LIMS2: variants seen among roughly 807,000 people sequenced by gnomAD.
The protein encoded by LIMS2 is LIM and senescent cell antigen-like-containing domain protein 2.
A neutral mutation model predicts 45.3 loss-of-function variants in LIMS2; 30 were observed. That is an observed-to-expected ratio of 0.66 (90% CI 0.50 to 0.90). The LOEUF is 0.90. Among genes scored for constraint, LIMS2 ranks in the 40% least tolerant of loss-of-function variants. LIMS2 has a pLI of 0.00. For missense variants in LIMS2, 485 were observed against 468.7 expected, an observed-to-expected ratio of 1.03 and a Z score of -0.32; for synonymous variants, 173 against 188.0, an observed-to-expected ratio of 0.92 and a Z score of 0.65.
In LIMS2 at chr2:127,640,988, G is replaced by A. The variant is rs1490885244; in HGVS notation, c.661C>T (p.His221Tyr). The change falls in exon 7 of 10, where the codon CAC (histidine) becomes TAC (tyrosine). Residue 221 changes from histidine to tyrosine, a missense_variant and splice_region_variant. Transcript: ENST00000355119. ...NALGKQWHVEHFVCAKCEKPF... is the reference protein window; with the variant it reads ...NALGKQWHVEYFVCAKCEKPF... ...TTCTCACACTTGGCACAGACAAAGT[G>A]CTGCAAGGACAAAGGGCGGGCCGGG... is the stretch of plus-strand genomic sequence containing the variant. 3 of 1,613,506 alleles carry A rather than the reference G, an allele frequency of 1.9e-6. No individual in the cohort carries two copies. The highest frequency in any genetic ancestry group is 2.7e-5 in the African/African-American group (2 of 74,906).
In LIMS2 at chr2:127,667,495, A is replaced by G. The variant is rs1410660257; in HGVS notation, c.11+7519T>C. On this transcript the variant is annotated intron_variant, in intron 1 of 9. Transcript: ENST00000355119. The surrounding 1 kb of genome is among the most constrained non-coding windows in gnomAD (Gnocchi z 4.1). Reference sequence around the variant, plus strand: ...TAACACTCTATAAAAAGTATTATACACCGTGACCAAATGGGATTTATCCCA... The same window carrying G: ...TAACACTCTATAAAAAGTATTATACGCCGTGACCAAATGGGATTTATCCCA... Among the ~76,000 whole-genome samples the G allele has an allele frequency of 6.6e-6, 1 of 152,260 alleles. No individual in the cohort carries two copies. Among genetic ancestry groups the G allele is most frequent in the Non-Finnish European group, 1.5e-5 (1 of 68,044 alleles).
chr2:127,674,805 C>T (rs1056574214), intron 1 of LIMS2: 5 of 985,286 alleles, frequency 5.1e-6, no homozygotes, highest in Non-Finnish European at 3.6e-6. Context: ...CCACCTTCCG[C>T]TGCAGGCGCT....
At position 127,669,287 on chromosome 2, in the gene LIMS2, T is replaced by G. The variant is rs187838936; in HGVS notation, c.11+5727A>C. Among the ~76,000 whole-genome samples the G allele has an allele frequency of 2.0e-5, 3 of 152,078 alleles. No individual in the cohort carries two copies. The East Asian group carries it at 5.8e-4, about 29-fold the overall frequency. On this transcript the variant is annotated intron_variant, in intron 1 of 9. Transcript: ENST00000355119. Reference sequence around the variant, plus strand: ...CATGAGCCAGGATTAGGCAATAGTTTCCTAAACATGACAAAAAAAACTCAA... The same window carrying G: ...CATGAGCCAGGATTAGGCAATAGTTGCCTAAACATGACAAAAAAAACTCAA...
chr2:127,680,148 C>G (rs1217351172), upstream of LIMS2, among the ~76,000 whole-genome samples: 1 of 152,144 alleles, frequency 6.6e-6, no homozygotes, highest in Non-Finnish European at 1.5e-5. Flanking sequence ...GAGAACCCCC[C>G]GGGGGGGAGC....
rs1682299091 is a variant in LIMS2 at position 127,640,511 on chromosome 2, G to C, written c.754-193C>G. 12 of 639,298 alleles carry C rather than the reference G, an allele frequency of 1.9e-5. No homozygotes were observed. In the South Asian group the frequency reaches 2.3e-4, roughly 12 times the overall value. The allele number at this position is 639,298 out of a possible 1,614,324, so 39.6% of individuals were successfully genotyped here. On this transcript the variant is annotated intron_variant, in intron 7 of 9. Coordinates refer to ENST00000355119, the MANE Select transcript of LIMS2 (RefSeq NM_001161403.3). ...AACCACCCTTCCGGGAAGGACAACA[G>C]GCTGGGGCGTTGCTCCCCAGAAGGC... is the stretch of plus-strand genomic sequence containing the variant.
At position 127,664,636 on chromosome 2, in the gene LIMS2, C is replaced by T. The variant is rs369929811; in HGVS notation, c.12-7074G>A. On this transcript the variant is annotated intron_variant, in intron 1 of 9. Coordinates refer to ENST00000355119, the MANE Select transcript of LIMS2 (RefSeq NM_001161403.3). The surrounding 1 kb of genome is among the most constrained non-coding windows in gnomAD (Gnocchi z 5.5). ...GGCAGCTCCTGAAAGCTGAGGCTGG[C>T]GGGGGTTGGGTCCCGCTGGGAGGGG... The T allele has an allele frequency of 2.0e-4, 220 of 1,095,804 alleles. 2 individuals carry two copies. The South Asian group carries it at 8.1e-3, about 41-fold the overall frequency. 67.9% of individuals were successfully genotyped at this position (1,095,804 alleles called of 1,614,324 possible).
chr2:127,677,612 G>A (rs1685532693), upstream of LIMS2, among the ~76,000 whole-genome samples: 1 of 152,158 alleles, frequency 6.6e-6, no homozygotes, highest in African/African-American at 2.4e-5. This position sits in a 1 kb window ranked among gnomAD's most constrained non-coding sequence, Gnocchi z 5.0. Context: ...CAGGTGGAGG[G>A]GCACGGGAAA....
At chr2:127,648,426 G>C (rs115436623) in intron 4 of LIMS2, 1 of 153,346 alleles carries the variant, frequency 6.5e-6, no homozygotes, top group African/African-American at 2.4e-5. Flanking sequence ...CTGGCCACTC[G>C]CTCTCCTGAA....
intron 1 of LIMS2, among the ~76,000 whole-genome samples, chr2:127,670,934 T>A (rs1223779631): frequency 6.6e-6 from 1 of 152,272 alleles, no homozygotes; most frequent in African/African-American, 2.4e-5. Context: ...TATGTTCATA[T>A]GTGTATTCAG....
rs1033829419 is a variant in LIMS2 at position 127,647,016 on chromosome 2, C to T, written c.360-3944G>A. On this transcript the variant is annotated intron_variant, in intron 4 of 9. Transcript: ENST00000355119. This position sits in a 1 kb window ranked among gnomAD's most constrained non-coding sequence, Gnocchi z 4.3. ...AGAGAGCGAGGGGCACGCCCTTCGG[C>T]CCGGGCAGGAAGTGGAGGGCAGTGC... Among the ~76,000 whole-genome samples the T allele has an allele frequency of 3.3e-5, 5 of 152,118 alleles. No individual in the cohort carries two copies. The highest frequency in any genetic ancestry group is 1.2e-4 in the African/African-American group (5 of 41,422).
intron 1 of LIMS2, among the ~76,000 whole-genome samples, chr2:127,661,625 C>T (rs989155661): frequency 6.6e-6 from 1 of 152,234 alleles, no homozygotes; most frequent in East Asian, 1.9e-4. Flanking sequence ...CACACCCAGC[C>T]TGGAAGCCAA....
At position 127,651,045 on chromosome 2, in the gene LIMS2, T is replaced by G. The variant is rs763087818; in HGVS notation, c.359+3379A>C. 1 of 1,613,670 alleles carries G rather than the reference T, an allele frequency of 6.2e-7. No individual in the cohort carries two copies. Among genetic ancestry groups the G allele is most frequent in the Non-Finnish European group, 8.5e-7 (1 of 1,180,040 alleles). ...CCACTGGCCATTTGGGGAAATCGCA[T>G]GCCGTCTCACCGGCTTCCTCTTCTA... On this transcript the variant is annotated intron_variant, in intron 4 of 9. Transcript: ENST00000355119.
chr2:127,660,851 T>C (rs917237872), intron 1 of LIMS2, among the ~76,000 whole-genome samples: 1 of 146,050 alleles, frequency 6.8e-6, no homozygotes, highest in African/African-American at 2.5e-5. Flanking sequence ...GTTCCTCGGC[T>C]GGTCCCTGAA....
chr2:127,671,310 G>A lies in LIMS2; in HGVS notation c.11+3704C>T, dbSNP rs1573849719. ...TAGCCGGTTGTGGTGGTATGCACCT[G>A]TAGTCCCAGCTACTTGGGAGGCTGA... is the stretch of plus-strand genomic sequence containing the variant. On this transcript the variant is annotated intron_variant, in intron 1 of 9. Transcript: ENST00000355119. The surrounding 1 kb of genome is among the most constrained non-coding windows in gnomAD (Gnocchi z 4.1). Among the ~76,000 whole-genome samples, 11 of 152,098 alleles carry A rather than the reference G, an allele frequency of 7.2e-5. 1 individual carries two copies. Among genetic ancestry groups the A allele is most frequent in the Admixed American group, 6.5e-4 (10 of 15,270 alleles).
chr2:127,651,255 C>G, intron 4 of LIMS2: 2 of 1,606,230 alleles, frequency 1.2e-6, no homozygotes, highest in Non-Finnish European at 1.7e-6. Flanking sequence ...ACAGACCGTG[C>G]AGACCAACCA....
intron 4 of LIMS2, among the ~76,000 whole-genome samples, chr2:127,649,098 GAAAAGAAA>G: frequency 8.0e-6 from 1 of 125,494 alleles, no homozygotes; most frequent in South Asian, 2.8e-4. Context: ...AAAGAAAAAA[GAAAAGAAA>G]AAAGGAAAAT....
Position 127,654,394 on chromosome 2 carries a change from G to GT in LIMS2, c.359+29dup, listed in dbSNP as rs772874535. ...GTGTGCCAGGAAGGGCTGTGGCCCA[G>GT]TCCTCTCTGGCCCAACACGGCCACC... On this transcript the variant is annotated intron_variant, in intron 4 of 9. Coordinates refer to ENST00000355119, the MANE Select transcript of LIMS2 (RefSeq NM_001161403.3). 25 of 1,613,484 alleles carry GT rather than the reference G, an allele frequency of 1.5e-5. No homozygotes were observed. In the African/African-American group the frequency reaches 2.7e-4, roughly 17 times the overall value.
intron 7 of LIMS2, 143 bp downstream of exon 7, chr2:127,640,753 C>A: frequency 1.4e-6 from 1 of 709,360 alleles, no homozygotes; most frequent in Non-Finnish European, 2.5e-6. Context: ...GACCCCAGGC[C>A]AGGAGCCAGG....
intron 4 of LIMS2, chr2:127,651,163 G>T: frequency 6.2e-7 from 1 of 1,612,658 alleles, no homozygotes; most frequent in Non-Finnish European, 8.5e-7. Flanking sequence ...CTCAAGCTCC[G>T]CAGGCCCCTC....
Sources: allele counts gnomAD v4.1 joint callset (sites outside exome capture counted in the v4.1 genomes callset), GRCh38; gene constraint gnomAD v4.1.1; non-coding constraint Gnocchi (gnomAD v3.1); transcripts MANE v1.5; gene names NCBI Gene and HGNC (gene_info 2026-07-23, HGNC 2026-07-21).